The following ZNF469 variants were observed in gnomAD, a reference collection of about 807,000 sequenced individuals.
ZNF469 encodes zinc finger protein 469.
In ZNF469, 1 loss-of-function variant was observed where a neutral mutation model predicts 1.0. That is an observed-to-expected ratio of 1.00 (90% CI 0.35 to 4.73). ZNF469 has a LOEUF of 4.73. ZNF469 is among the 30% of genes most tolerant of loss of function. The probability of loss-of-function intolerance (pLI) is 0.16; values close to 1 mark genes in which losing one functional copy is unlikely to be tolerated. For synonymous variants in ZNF469, 2,703 were observed against 2,363.4 expected (o/e 1.14, Z -4.17); for missense variants, 6,100 against 5,356.3 (o/e 1.14, Z -4.33).
At chr16:88,194,628 G>C in the ZNF469 span, 3 of 152,258 alleles carry the variant, frequency 2.0e-5, no homozygotes, top group Non-Finnish European at 4.4e-5. Context: ...GGGATTTCGC[G>C]CTGCCCCCGG....
At chr16:88,273,296 T>C in the ZNF469 span, among the ~76,000 whole-genome samples, 1 of 151,700 alleles carries the variant, frequency 6.6e-6, no homozygotes, top group Non-Finnish European at 1.5e-5. Flanking sequence ...GTTCTGTCCC[T>C]CACAACCACA....
chr16:88,179,855 A>G, the ZNF469 span, among the ~76,000 whole-genome samples: 1 of 152,272 alleles, frequency 6.6e-6, no homozygotes, highest in African/African-American at 2.4e-5. Context: ...TGTGGTAACA[A>G]CAGTACCAAG....
At chr16:88,244,422 TG>T in the ZNF469 span, among the ~76,000 whole-genome samples, 1 of 149,760 alleles carries the variant, frequency 6.7e-6, no homozygotes, top group African/African-American at 2.5e-5. Flanking sequence ...GATGGATGGA[TG>T]GATGGATGGA....
the ZNF469 span, among the ~76,000 whole-genome samples, chr16:88,154,848 C>T: frequency 1.3e-5 from 2 of 152,196 alleles, no homozygotes; most frequent in Non-Finnish European, 2.9e-5. Flanking sequence ...CCTGGGTCTT[C>T]TCGCTCCAGA....
At chr16:88,333,679 C>T in the ZNF469 span, among the ~76,000 whole-genome samples, 2 of 138,564 alleles carry the variant, frequency 1.4e-5, no homozygotes, top group African/African-American at 2.6e-5. Flanking sequence ...CATGTGTGGC[C>T]GGGGCTGCCT....
At chr16:88,410,592 A>G (rs113494403) in intron 1 of ZNF469, among the ~76,000 whole-genome samples, 259 of 65,850 alleles carry the variant, frequency 3.9e-3, no homozygotes, top group Middle Eastern at 0.014. Flanking sequence ...AGGTCACGTG[A>G]TCATGGAGAA....
chr16:88,165,570 C>T, the ZNF469 span, among the ~76,000 whole-genome samples: 1 of 152,224 alleles, frequency 6.6e-6, no homozygotes, highest in African/African-American at 2.4e-5. Flanking sequence ...GCTCGGCCCT[C>T]TCTGTGGGCC....
At chr16:88,115,302 T>C in the ZNF469 span, among the ~76,000 whole-genome samples, 16 of 152,198 alleles carry the variant, frequency 1.1e-4, no homozygotes, top group African/African-American at 3.9e-4. Context: ...AGATATATAT[T>C]ATTTTCATAA....
chr16:88,157,536 C>T, the ZNF469 span, among the ~76,000 whole-genome samples: 3 of 152,272 alleles, frequency 2.0e-5, no homozygotes, highest in East Asian at 5.8e-4. Context: ...GGACAGCACC[C>T]ATCTCTCCTC....
the ZNF469 span, among the ~76,000 whole-genome samples, chr16:88,227,883 G>T: frequency 6.6e-6 from 1 of 152,166 alleles, no homozygotes; most frequent in Non-Finnish European, 1.5e-5. Flanking sequence ...ACCCCGCCAG[G>T]CTCCGCCTCC....
the ZNF469 span, among the ~76,000 whole-genome samples, chr16:88,336,800 C>T: frequency 6.6e-6 from 1 of 152,370 alleles, no homozygotes; most frequent in Non-Finnish European, 1.5e-5. Context: ...ACCATCACCA[C>T]TATCTCATTC....
At chr16:88,366,769 C>T in the ZNF469 span, among the ~76,000 whole-genome samples, 1 of 151,444 alleles carries the variant, frequency 6.6e-6, no homozygotes, top group Non-Finnish European at 1.5e-5. Context: ...ATCATCACCG[C>T]CATCGCCACC....
rs1905768377 is a variant in ZNF469 at position 88,427,528 on chromosome 16, C to T, written c.58C>T (p.Pro20Ser). The change falls in exon 3 of 3, where the codon CCC (proline) becomes TCC (serine). Residue 20 changes from proline to serine, a missense_variant. Physicochemically the swap from Pro to Ser is moderately conservative, Grantham distance 74. Transcript: ENST00000565624. ...CCCCACCATGACTGGAGACCTGCAG[C>T]CCCGCCAAGTTGCCAGCAGCCCGGG... Reference protein sequence around the residue: ...PPPTMTGDLQPRQVASSPGHP... With the variant: ...PPPTMTGDLQSRQVASSPGHP... 6.5e-7 allele frequency: 1 copy of T among 1,535,222 alleles called. No homozygotes were observed. Among genetic ancestry groups the T allele is most frequent in the Non-Finnish European group, 8.7e-7 (1 of 1,145,374 alleles).
chr16:88,213,705 C>A, the ZNF469 span, among the ~76,000 whole-genome samples: 2 of 152,184 alleles, frequency 1.3e-5, no homozygotes, highest in African/African-American at 4.8e-5. Flanking sequence ...TCTCGTGTGT[C>A]CTTCTAAGAG....
chr16:88,391,127 C>T lies in ZNF469; in HGVS notation c.-192+7873C>T, dbSNP rs575299885. Among the ~76,000 whole-genome samples, 916 of 152,338 alleles carry T rather than the reference C, an allele frequency of 6.0e-3. 9 individuals are homozygous for T. Among genetic ancestry groups the T allele is most frequent in the South Asian group, 0.035 (167 of 4,832 alleles). ...GAATCCCACTGTGCCAGCTGCTGCC[C>T]GGGAGACTGTGGCCAAGTCCCCCGC... On this transcript the variant is annotated intron_variant, in intron 1 of 2. Coordinates refer to ENST00000565624, the MANE Select transcript of ZNF469 (RefSeq NM_001367624.2).
At chr16:88,397,596 A>G (rs1904721166) in intron 1 of ZNF469, among the ~76,000 whole-genome samples, 1 of 128,946 alleles carries the variant, frequency 7.8e-6, no homozygotes, top group Admixed American at 7.5e-5. Context: ...GTATGTGTAT[A>G]TATGTGTGAT....
the ZNF469 span, among the ~76,000 whole-genome samples, chr16:88,319,932 C>T: frequency 6.6e-6 from 1 of 152,242 alleles, no homozygotes; most frequent in Non-Finnish European, 1.5e-5. Flanking sequence ...GCTCCTGACC[C>T]TCATGTGGGG....
chr16:88,433,995 G>C lies in ZNF469; in HGVS notation c.6525G>C (p.Leu2175=). The part of the protein sequence containing the change: ...LLACSPAWAP[L]EEADGVQATT... ...CCTGTTCTCCTGCCTGGGCACCTCT[G>C]GAAGAGGCAGATGGCGTCCAAGCCA... The change falls in exon 3 of 3, where the codon CTG becomes CTC. Residue 2175 remains leucine (L), a synonymous_variant. Transcript: ENST00000565624. The C allele has an allele frequency of 1.9e-6, 3 of 1,550,266 alleles. No individual in the cohort carries two copies. Among genetic ancestry groups the C allele is most frequent in the Non-Finnish European group, 1.7e-6 (2 of 1,146,926 alleles).
At chr16:88,350,463 C>T in the ZNF469 span, among the ~76,000 whole-genome samples, 1 of 152,258 alleles carries the variant, frequency 6.6e-6, no homozygotes, top group African/African-American at 2.4e-5. Context: ...CTGGGCTGGG[C>T]CACTCACCAG....
Sources: gnomAD v4.1 joint callset for allele counts (sites outside exome capture counted in the v4.1 genomes callset) on GRCh38, gnomAD v4.1.1 for gene constraint, MANE v1.5 for transcripts, NCBI Gene and HGNC (gene_info 2026-07-23, HGNC 2026-07-21) for gene names.